Variants in TRAPPC5 observed in about 807,000 individuals in gnomAD.
TRAPPC5 encodes the protein trafficking protein particle complex subunit 5, also known as trafficking protein particle complex 5.
In TRAPPC5, 5 loss-of-function variants were observed where a neutral mutation model predicts 9.8. That is an observed-to-expected ratio of 0.51 (90% CI 0.27 to 1.07). The LOEUF is 1.07. Ranked by LOEUF, TRAPPC5 falls within the 50% of genes least tolerant of loss-of-function variation. The pLI, the probability that TRAPPC5 is intolerant of heterozygous loss-of-function variation, is 0.12. For synonymous variants in TRAPPC5, 146 were observed against 140.7 expected (o/e 1.04, Z -0.26); for missense variants, 243 against 291.5 (o/e 0.83, Z 1.21).
At position 7,685,300 on chromosome 19, in the gene TRAPPC5, C is replaced by T. The variant is rs773596882; in HGVS notation, c.*2480C>T. On this transcript the variant is annotated 3_prime_UTR_variant, in exon 2 of 2. Coordinates refer to ENST00000596148, the MANE Select transcript of TRAPPC5 (RefSeq NM_001042462.2). The stretch of plus-strand genomic sequence containing the variant: ...AAGAAAAAAAAAGTAATGTATTACA[C>T]CTCAGGCAATTTTCCTTTCCCTTTT... 2 of 152,008 alleles carry T rather than the reference C, an allele frequency of 1.3e-5. No homozygotes were observed. The highest frequency in any genetic ancestry group is 2.9e-5 in the Non-Finnish European group (2 of 68,006). 9.4% of individuals were successfully genotyped at this position (152,008 alleles called of 1,614,324 possible). A position where few individuals can be genotyped will look rare whatever the true frequency, so the allele number is the denominator to read the frequency against.
rs1056340443 is a variant in TRAPPC5, at chr19:7,686,963, G to A, written c.*4143G>A. 6.6e-6 allele frequency: 1 copy of A among 152,078 alleles called. No individual in the cohort carries two copies. The highest frequency in any genetic ancestry group is 2.4e-5 in the African/African-American group (1 of 41,390). The allele number at this position is 152,078 out of a possible 1,614,324, so 9.4% of individuals were successfully genotyped here. A position where few individuals can be genotyped will look rare whatever the true frequency, so the allele number is the denominator to read the frequency against. ...CTCTAGTTTTTGTATTTTTTGTAGA[G>A]ATGGGGCCTCACTATGTTGCCCAGG... On this transcript the variant is annotated 3_prime_UTR_variant, in exon 2 of 2. Coordinates refer to ENST00000596148, the MANE Select transcript of TRAPPC5 (RefSeq NM_001042462.2).
Position 7,682,175 on chromosome 19 carries a change from TCCTTTCCTCCCGG to T in TRAPPC5, c.-12-63_-12-51del. The stretch of plus-strand genomic sequence containing the variant: ...TCCCAGGGCCCCTCGCGGTTCTCCC[TCCTTTCCTCCCGG>T]CCTGCTCCCCTTCCCATTGCCCCTG... On this transcript the variant is annotated intron_variant, in intron 1 of 1. Coordinates refer to ENST00000596148, the MANE Select transcript of TRAPPC5 (RefSeq NM_001042462.2). The surrounding 1 kb of genome is among the most constrained non-coding windows in gnomAD (Gnocchi z 8.6). 1 of 1,315,946 alleles carries T rather than the reference TCCTTTCCTCCCGG, an allele frequency of 7.6e-7. No individual in the cohort carries two copies. Among genetic ancestry groups the T allele is most frequent in the Non-Finnish European group, 9.8e-7 (1 of 1,020,772 alleles). The allele number at this position is 1,315,946 out of a possible 1,614,324, so 81.5% of individuals were successfully genotyped here. A position where few individuals can be genotyped will look rare whatever the true frequency, so the allele number is the denominator to read the frequency against.
rs2032668793 is a variant in TRAPPC5 at position 7,682,876 on chromosome 19, G to T, written c.*56G>T. On this transcript the variant is annotated 3_prime_UTR_variant, in exon 2 of 2. Transcript: ENST00000596148. This position sits in a 1 kb window ranked among gnomAD's most constrained non-coding sequence, Gnocchi z 8.6. Reference sequence around the variant, plus strand: ...CCTCCCCACGTGTGTCTTGTGTCTTGTGTGGCGGCCTTAGATCCACTCAGT... The same window carrying T: ...CCTCCCCACGTGTGTCTTGTGTCTTTTGTGGCGGCCTTAGATCCACTCAGT... 3 of 1,494,850 alleles carry T rather than the reference G, an allele frequency of 2.0e-6. No individual in the cohort carries two copies. The highest frequency in any genetic ancestry group is 2.1e-5 in the Admixed American group (1 of 47,264). The allele number at this position is 1,494,850 out of a possible 1,614,324, so 92.6% of individuals were successfully genotyped here. A position where few individuals can be genotyped will look rare whatever the true frequency, so the allele number is the denominator to read the frequency against.
rs112880261 is a variant in TRAPPC5 at position 7,685,277 on chromosome 19, GAAAA to G, written c.*2463_*2466del. 6.7e-6 allele frequency: 1 copy of G among 150,356 alleles called. No individual in the cohort carries two copies. Among genetic ancestry groups the G allele is most frequent in the Non-Finnish European group, 1.5e-5 (1 of 67,492 alleles). 9.3% of individuals were successfully genotyped at this position (150,356 alleles called of 1,614,324 possible). On this transcript the variant is annotated 3_prime_UTR_variant, in exon 2 of 2. Transcript: ENST00000596148. ...CAGAGTGAGACCCTGTCTTAAAAAA[GAAAA>G]AAAAAGTAATGTATTACACCTCAGG...
In TRAPPC5 at chr19:7,683,140, G is replaced by A. The variant is rs186450569; in HGVS notation, c.*320G>A. On this transcript the variant is annotated 3_prime_UTR_variant, in exon 2 of 2. Coordinates refer to ENST00000596148, the MANE Select transcript of TRAPPC5 (RefSeq NM_001042462.2). ...GGTCCTGGGAGACGCATCAGGCTGAGACAGACGCCTTTAGACTGGGGGTGG... is the reference window on the plus strand; with the variant it reads ...GGTCCTGGGAGACGCATCAGGCTGAAACAGACGCCTTTAGACTGGGGGTGG... 647 of 389,448 alleles carry A rather than the reference G, an allele frequency of 1.7e-3. 4 individuals are homozygous for A. The highest frequency in any genetic ancestry group is 0.012 in the African/African-American group (598 of 49,236). The allele number at this position is 389,448 out of a possible 1,614,324, so 24.1% of individuals were successfully genotyped here.
At position 7,680,888 on chromosome 19, in the gene TRAPPC5, T is replaced by A. The variant is rs1291342987; in HGVS notation, c.-13+10T>A. On this transcript the variant is annotated intron_variant, in intron 1 of 1. Transcript: ENST00000596148. ...ACTGCTGCGGTTCCTGGTGAGACCCTACCCACCCCCCTGCCCGCGCCGGGC... is the reference window on the plus strand; with the variant it reads ...ACTGCTGCGGTTCCTGGTGAGACCCAACCCACCCCCCTGCCCGCGCCGGGC... The A allele has an allele frequency of 6.6e-6, 1 of 152,252 alleles. No individual in the cohort carries two copies. Among genetic ancestry groups the A allele is most frequent in the African/African-American group, 2.4e-5 (1 of 41,450 alleles). 9.4% of individuals were successfully genotyped at this position (152,252 alleles called of 1,614,324 possible).
In TRAPPC5 at chr19:7,682,114, C is replaced by T. The variant is rs1358606543; in HGVS notation, c.-12-128C>T. ...CATCTCTTTGCAAGTGGGAAGTCGG[C>T]ACTGGAGCACACAACAGTGGCATGG... On this transcript the variant is annotated intron_variant, in intron 1 of 1. Transcript: ENST00000596148. This position sits in a 1 kb window ranked among gnomAD's most constrained non-coding sequence, Gnocchi z 8.6. 11 of 689,656 alleles carry T rather than the reference C, an allele frequency of 1.6e-5. No individual in the cohort carries two copies. The highest frequency in any genetic ancestry group is 2.2e-5 in the Non-Finnish European group (10 of 459,830). 42.7% of individuals were successfully genotyped at this position (689,656 alleles called of 1,614,324 possible). A position where few individuals can be genotyped will look rare whatever the true frequency, so the allele number is the denominator to read the frequency against.
In TRAPPC5 at chr19:7,682,905, T is replaced by C; in HGVS notation, c.*85T>C. The C allele has an allele frequency of 7.1e-7, 1 of 1,407,196 alleles. No homozygotes were observed. The allele number at this position is 1,407,196 out of a possible 1,614,324, so 87.2% of individuals were successfully genotyped here. A position where few individuals can be genotyped will look rare whatever the true frequency, so the allele number is the denominator to read the frequency against. On this transcript the variant is annotated 3_prime_UTR_variant, in exon 2 of 2. Transcript: ENST00000596148. The surrounding 1 kb of genome is among the most constrained non-coding windows in gnomAD (Gnocchi z 8.6). ...GGCGGCCTTAGATCCACTCAGTACC[T>C]TGAGCCACAGCCCTGCCCCAGGCTG...
rs1021828340 is a variant in TRAPPC5 at position 7,687,238 on chromosome 19, A to G, written c.*4418A>G. ...ACAGCAGAGCCCACTGGCATTTCTTATGGTCTTGGACCTGGAGGTGTTGTC... is the reference window on the plus strand; with the variant it reads ...ACAGCAGAGCCCACTGGCATTTCTTGTGGTCTTGGACCTGGAGGTGTTGTC... On this transcript the variant is annotated 3_prime_UTR_variant, in exon 2 of 2. Coordinates refer to ENST00000596148, the MANE Select transcript of TRAPPC5 (RefSeq NM_001042462.2). The G allele has an allele frequency of 6.6e-6, 1 of 152,630 alleles. No individual in the cohort carries two copies. Among genetic ancestry groups the G allele is most frequent in the Non-Finnish European group, 1.5e-5 (1 of 68,266 alleles). 9.5% of individuals were successfully genotyped at this position (152,630 alleles called of 1,614,324 possible).
rs73921519 is a variant in TRAPPC5 at position 7,687,237 on chromosome 19, T to A, written c.*4417T>A. On this transcript the variant is annotated 3_prime_UTR_variant, in exon 2 of 2. Coordinates refer to ENST00000596148, the MANE Select transcript of TRAPPC5 (RefSeq NM_001042462.2). ...GACAGCAGAGCCCACTGGCATTTCT[T>A]ATGGTCTTGGACCTGGAGGTGTTGT... 10,160 of 152,632 alleles carry A rather than the reference T, an allele frequency of 0.067. 378 individuals are homozygous for A. Among genetic ancestry groups the A allele is most frequent in the Non-Finnish European group, 0.082 (5,603 of 68,268 alleles). 9.5% of individuals were successfully genotyped at this position (152,632 alleles called of 1,614,324 possible). A position where few individuals can be genotyped will look rare whatever the true frequency, so the allele number is the denominator to read the frequency against.
chr19:7,681,657 C>CT lies in TRAPPC5; in HGVS notation c.-12-581dup, dbSNP rs1383441171. ...CTGTTAAAGCCCCCAACCCTCCTGG[C>CT]TTTTGGTCTTGACACGCTCCTACCC... On this transcript the variant is annotated intron_variant, in intron 1 of 1. Coordinates refer to ENST00000596148, the MANE Select transcript of TRAPPC5 (RefSeq NM_001042462.2). This position sits in a 1 kb window ranked among gnomAD's most constrained non-coding sequence, Gnocchi z 8.7. Among the ~76,000 whole-genome samples the CT allele has an allele frequency of 1.3e-5, 2 of 151,944 alleles. No individual in the cohort carries two copies. The highest frequency in any genetic ancestry group is 4.8e-5 in the African/African-American group (2 of 41,364).
rs899476288 is a variant in TRAPPC5 at position 7,681,279 on chromosome 19, A to C, written c.-13+401A>C. Reference sequence around the variant, plus strand: ...CAGACCTCGTTGGGGTCGGCTTAGCATCCACACACCTCCCCATGCATGGTG... The same window carrying C: ...CAGACCTCGTTGGGGTCGGCTTAGCCTCCACACACCTCCCCATGCATGGTG... On this transcript the variant is annotated intron_variant, in intron 1 of 1. Transcript: ENST00000596148. This position sits in a 1 kb window ranked among gnomAD's most constrained non-coding sequence, Gnocchi z 8.7. 9.2e-5 allele frequency among the ~76,000 whole-genome samples: 14 copies of C among 151,440 alleles called. No homozygotes were observed. The highest frequency in any genetic ancestry group is 5.3e-4 in the Admixed American group (8 of 15,234).
rs142064563 is a variant in TRAPPC5, at chr19:7,680,875, C to G, written c.-16C>G. 3.9e-5 allele frequency: 6 copies of G among 152,338 alleles called. No individual in the cohort carries two copies. Among genetic ancestry groups the G allele is most frequent in the African/African-American group, 1.4e-4 (6 of 41,458 alleles). The allele number at this position is 152,338 out of a possible 1,614,324, so 9.4% of individuals were successfully genotyped here. On this transcript the variant is annotated 5_prime_UTR_variant, in exon 1 of 2. Coordinates refer to ENST00000596148, the MANE Select transcript of TRAPPC5 (RefSeq NM_001042462.2). ...CTCGGCCGAGCAGACTGCTGCGGTTCCTGGTGAGACCCTACCCACCCCCCT... is the reference window on the plus strand; with the variant it reads ...CTCGGCCGAGCAGACTGCTGCGGTTGCTGGTGAGACCCTACCCACCCCCCT...
Position 7,681,560 on chromosome 19 carries a change from A to G in TRAPPC5, c.-13+682A>G, listed in dbSNP as rs2032635957. On this transcript the variant is annotated intron_variant, in intron 1 of 1. Coordinates refer to ENST00000596148, the MANE Select transcript of TRAPPC5 (RefSeq NM_001042462.2). The surrounding 1 kb of genome is among the most constrained non-coding windows in gnomAD (Gnocchi z 8.7). The stretch of plus-strand genomic sequence containing the variant: ...AGGACGAAGGGTTCCTGCGTGACAC[A>G]TCGGAGCTGCCTGCCTGAGGGCTTG... 6.6e-6 allele frequency among the ~76,000 whole-genome samples: 1 copy of G among 151,986 alleles called. No homozygotes were observed. The highest frequency in any genetic ancestry group is 2.1e-4 in the South Asian group (1 of 4,822).
In TRAPPC5 at chr19:7,682,262, G is replaced by C; in HGVS notation, c.9G>C (p.Ala3=). ...CGCAGGGTGGCGGCGGCATGGAGGCGCGCTTCACGCGCGGGAAGTCGGCGC... is the reference window on the plus strand; with the variant it reads ...CGCAGGGTGGCGGCGGCATGGAGGCCCGCTTCACGCGCGGGAAGTCGGCGC... The part of the protein sequence containing the change: ME[A]RFTRGKSALL... The change falls in exon 2 of 2, where the codon GCG becomes GCC. Residue 3 remains alanine, a synonymous_variant. Coordinates refer to ENST00000596148, the MANE Select transcript of TRAPPC5 (RefSeq NM_001042462.2). The surrounding 1 kb of genome is among the most constrained non-coding windows in gnomAD (Gnocchi z 8.6). The C allele has an allele frequency of 1.4e-6, 2 of 1,399,694 alleles. No homozygotes were observed. The highest frequency in any genetic ancestry group is 1.8e-6 in the Non-Finnish European group (2 of 1,083,548). The allele number at this position is 1,399,694 out of a possible 1,614,324, so 86.7% of individuals were successfully genotyped here.
rs992482495 is a variant in TRAPPC5, at chr19:7,684,369, A to G, written c.*1549A>G. 1 of 151,066 alleles carries G rather than the reference A, an allele frequency of 6.6e-6. No individual in the cohort carries two copies. The highest frequency in any genetic ancestry group is 1.5e-5 in the Non-Finnish European group (1 of 67,914). The allele number at this position is 151,066 out of a possible 1,614,324, so 9.4% of individuals were successfully genotyped here. On this transcript the variant is annotated 3_prime_UTR_variant, in exon 2 of 2. Transcript: ENST00000596148. ...GAGACCAGCCTGGCTAACATGGCAA[A>G]ACCCCGTCTCTACTAAAAATAGAAA...
In TRAPPC5 at chr19:7,682,356, G is replaced by T; in HGVS notation, c.103G>T (p.Glu35Ter). Residue 35 changes from glutamate to a stop codon, truncating the protein, a stop_gained, in exon 2 of 2, where the codon GAG (glutamate) becomes TAG (stop). Transcript: ENST00000596148. LOFTEE classifies it high-confidence loss of function. The surrounding 1 kb of genome is among the most constrained non-coding windows in gnomAD (Gnocchi z 8.6). ...SLSAFALLFS[E>*]LVQHCQSRVF... ...GAGCGCCTTCGCACTGCTGTTCTCC[G>T]AGCTGGTACAGCACTGCCAGAGCCG... 3 of 1,563,680 alleles carry T rather than the reference G, an allele frequency of 1.9e-6. No individual in the cohort carries two copies. The highest frequency in any genetic ancestry group is 2.3e-5 in the South Asian group (2 of 85,624).
rs997554356 is a variant in TRAPPC5 at position 7,684,123 on chromosome 19, A to G, written c.*1303A>G. On this transcript the variant is annotated 3_prime_UTR_variant, in exon 2 of 2. Coordinates refer to ENST00000596148, the MANE Select transcript of TRAPPC5 (RefSeq NM_001042462.2). ...CTGTAGATCAGCAGTAGCAGCATCA[A>G]CTGGGAGTTGGTCCATAATGCAGTC... 6.6e-6 allele frequency: 1 copy of G among 152,328 alleles called. No homozygotes were observed. Among genetic ancestry groups the G allele is most frequent in the African/African-American group, 2.4e-5 (1 of 41,576 alleles). The allele number at this position is 152,328 out of a possible 1,614,324, so 9.4% of individuals were successfully genotyped here.
Position 7,682,681 on chromosome 19 carries a change from C to T in TRAPPC5, c.428C>T (p.Thr143Met), listed in dbSNP as rs1164780822. 6.2e-7 allele frequency: 1 copy of T among 1,613,570 alleles called. No individual in the cohort carries two copies. The highest frequency in any genetic ancestry group is 8.5e-7 in the Non-Finnish European group (1 of 1,179,902). Residue 143 changes from threonine to methionine, a missense_variant, in exon 2 of 2, where the codon ACG becomes ATG. Thr to Met is a moderately conservative substitution (Grantham distance 81). Coordinates refer to ENST00000596148, the MANE Select transcript of TRAPPC5 (RefSeq NM_001042462.2). The surrounding 1 kb of genome is among the most constrained non-coding windows in gnomAD (Gnocchi z 8.6). ...AGCACGCTCAACTGCGCCAGCTTCA[C>T]GGCGGGCATCGTGGAGGCGGTGCTC... is the stretch of plus-strand genomic sequence containing the variant. The part of the protein sequence containing the change: ...ENSTLNCASF[T>M]AGIVEAVLTH...
Sources: allele counts gnomAD v4.1 joint callset (sites outside exome capture counted in the v4.1 genomes callset), GRCh38; gene constraint gnomAD v4.1.1; non-coding constraint Gnocchi (gnomAD v3.1); transcripts MANE v1.5; gene names NCBI Gene and HGNC (gene_info 2026-07-23, HGNC 2026-07-21).